The following ABTB2 variants were observed in gnomAD, a reference collection of about 807,000 sequenced individuals.
ABTB2 encodes ankyrin repeat and BTB domain containing 2, also known as ankyrin repeat and BTB/POZ domain-containing protein 2.
Under a neutral mutation model 104.1 loss-of-function variants are expected in ABTB2, and 56 were observed. The ratio of observed to expected loss-of-function variants is 0.54; its 90% confidence interval spans 0.43 to 0.67. The LOEUF is 0.67. Ranked by LOEUF, ABTB2 falls within the 30% of genes least tolerant of loss-of-function variation. The pLI is 0.00. For synonymous variants in ABTB2, 606 were observed against 608.2 expected (o/e 1.00, Z 0.05); for missense variants, 1,279 against 1,407.7 (o/e 0.91, Z 1.46).
intron 3 of ABTB2, among the ~76,000 whole-genome samples, chr11:34,186,775 C>T (rs1464959959): frequency 6.6e-6 from 1 of 152,236 alleles, no homozygotes; most frequent in Non-Finnish European, 1.5e-5. Context: ...CGCTCCTTCT[C>T]GGATGCTGGG....
intron 12 of ABTB2, 62 bp downstream of exon 12, chr11:34,160,186 A>C: frequency 6.9e-7 from 1 of 1,443,570 alleles, no homozygotes; most frequent in Non-Finnish European, 9.7e-7. Context: ...GTGGGGAGGA[A>C]GCAGGAAAGG....
intron 3 of ABTB2, among the ~76,000 whole-genome samples, chr11:34,191,017 A>G (rs2133031935): frequency 6.6e-6 from 1 of 152,350 alleles, no homozygotes; most frequent in South Asian, 2.1e-4. Context: ...GCCCAGGAAG[A>G]TGAGTTGACA....
At position 34,280,664 on chromosome 11, in the gene ABTB2, C is replaced by G. The variant is rs2755157; in HGVS notation, c.884-75974G>C. Among the ~76,000 whole-genome samples the G allele has an allele frequency of 6.8e-3, 1,033 of 152,286 alleles. 8 individuals are homozygous for G. The highest frequency in any genetic ancestry group is 0.023 in the African/African-American group (957 of 41,546). ...AATAACGGACAATCTCAACACCCACCATCTGGCCAGACACTAAATTGTGGG... is the reference window on the plus strand; with the variant it reads ...AATAACGGACAATCTCAACACCCACGATCTGGCCAGACACTAAATTGTGGG... On this transcript the variant is annotated intron_variant, in intron 1 of 16. Coordinates refer to ENST00000435224, the MANE Select transcript of ABTB2 (RefSeq NM_145804.3).
At chr11:34,206,697 T>G (rs1565140917) in intron 1 of ABTB2, among the ~76,000 whole-genome samples, 1 of 152,198 alleles carries the variant, frequency 6.6e-6, no homozygotes, top group Non-Finnish European at 1.5e-5. Context: ...GTGTTTTTCT[T>G]TGTTGAGGAA....
intron 1 of ABTB2, among the ~76,000 whole-genome samples, chr11:34,313,371 C>G (rs545248636): frequency 3.9e-5 from 6 of 152,344 alleles, no homozygotes; most frequent in Non-Finnish European, 7.3e-5. Flanking sequence ...GGTCTGACCA[C>G]ATTCTTTGAA....
At chr11:34,236,091 A>G (rs1853839609) in intron 1 of ABTB2, among the ~76,000 whole-genome samples, 1 of 152,160 alleles carries the variant, frequency 6.6e-6, no homozygotes, top group South Asian at 2.1e-4. Flanking sequence ...AAGGAAGAGA[A>G]GGGTAAAGGC....
chr11:34,221,660 G>A (rs527960587), intron 1 of ABTB2, among the ~76,000 whole-genome samples: 1 of 152,298 alleles, frequency 6.6e-6, no homozygotes, highest in East Asian at 1.9e-4. Flanking sequence ...GGGGCTCAAC[G>A]CTCCCCTCAC....
chr11:34,336,101 C>T (rs1041655946), intron 1 of ABTB2: 4 of 295,780 alleles, frequency 1.4e-5, no homozygotes, highest in Non-Finnish European at 2.5e-5. Flanking sequence ...GACGTTCCTG[C>T]CATCCAATAT....
chr11:34,357,197 G>T lies in ABTB2; in HGVS notation c.387C>A (p.Ala129=), dbSNP rs1352152798. 1.3e-6 allele frequency: 2 copies of T among 1,508,032 alleles called. No homozygotes were observed. Among genetic ancestry groups the T allele is most frequent in the African/African-American group, 2.8e-5 (2 of 70,380 alleles). The allele number at this position is 1,508,032 out of a possible 1,614,324, so 93.4% of individuals were successfully genotyped here. ...GGATCAGTGCCCTGCGGAGCAGCCC[G>T]GCCAGGCGCCTCACCGCCTCGGCGG... ...QFSAEAVRRL[A]GLLRRALIRV... The change falls in exon 1 of 17, where the codon GCC becomes GCA. Residue 129 remains alanine, a synonymous_variant. Coordinates refer to ENST00000435224, the MANE Select transcript of ABTB2 (RefSeq NM_145804.3).
rs375173455 is a variant in ABTB2 at position 34,349,159 on chromosome 11, A to G, written c.883+7542T>C. ...GTGTGTTTACATGACAGGCCAGCAA[A>G]ACACAAAACACCTGCTATGATCTGT... On this transcript the variant is annotated intron_variant, in intron 1 of 16. Coordinates refer to ENST00000435224, the MANE Select transcript of ABTB2 (RefSeq NM_145804.3). Among the ~76,000 whole-genome samples the G allele has an allele frequency of 5.9e-5, 9 of 152,318 alleles. No individual in the cohort carries two copies. The East Asian group carries it at 7.7e-4, about 13-fold the overall frequency.
At chr11:34,263,282 C>T (rs1250450793) in intron 1 of ABTB2, among the ~76,000 whole-genome samples, 2 of 152,168 alleles carry the variant, frequency 1.3e-5, no homozygotes, top group Non-Finnish European at 2.9e-5. Context: ...TCCCCCTTCA[C>T]ATTCCCTAAC....
chr11:34,213,719 C>T (rs1180424288), intron 1 of ABTB2, among the ~76,000 whole-genome samples: 3 of 152,156 alleles, frequency 2.0e-5, no homozygotes, highest in South Asian at 2.1e-4. Context: ...CATTTCTCCT[C>T]TTTGCAAAAG....
chr11:34,179,918 T>C (rs1429957377), intron 3 of ABTB2, among the ~76,000 whole-genome samples: 4 of 152,152 alleles, frequency 2.6e-5, no homozygotes, highest in African/African-American at 9.7e-5. Flanking sequence ...AGCAAAATGG[T>C]TATAAATAAT....
chr11:34,179,225 A>C (rs553666823), intron 3 of ABTB2, among the ~76,000 whole-genome samples: 2 of 152,376 alleles, frequency 1.3e-5, no homozygotes, highest in African/African-American at 4.8e-5. Context: ...ATTTGCCGTC[A>C]GAGTGATGAC....
At chr11:34,277,294 T>A (rs1382158044) in intron 1 of ABTB2, among the ~76,000 whole-genome samples, 1 of 152,104 alleles carries the variant, frequency 6.6e-6, no homozygotes, top group Non-Finnish European at 1.5e-5. Flanking sequence ...AATTTCAAAT[T>A]TTACCTTTGT....
At chr11:34,286,727 T>C (rs890577411) in intron 1 of ABTB2, among the ~76,000 whole-genome samples, 1 of 152,372 alleles carries the variant, frequency 6.6e-6, no homozygotes, top group Middle Eastern at 3.4e-3. Flanking sequence ...ATGCTGTTTC[T>C]GCTCTTCTCA....
chr11:34,270,455 T>G (rs1854301158), intron 1 of ABTB2, among the ~76,000 whole-genome samples: 3 of 152,074 alleles, frequency 2.0e-5, no homozygotes, highest in Non-Finnish European at 2.9e-5. Flanking sequence ...TTCTCCTGCT[T>G]CAGCCTCCCG....
At chr11:34,265,365 A>T (rs994934761) in intron 1 of ABTB2, among the ~76,000 whole-genome samples, 1 of 152,212 alleles carries the variant, frequency 6.6e-6, no homozygotes, top group Admixed American at 6.5e-5. Context: ...ATGCTCTTAA[A>T]ACCCATCAGA....
intron 1 of ABTB2, among the ~76,000 whole-genome samples, chr11:34,302,338 C>T (rs891165410): frequency 2.0e-5 from 3 of 152,244 alleles, no homozygotes; most frequent in Non-Finnish European, 2.9e-5. Context: ...GATATGTAGA[C>T]AGGATTTTAA....
Sources: allele counts gnomAD v4.1 joint callset (sites outside exome capture counted in the v4.1 genomes callset), GRCh38; gene constraint gnomAD v4.1.1; transcripts MANE v1.5; gene names NCBI Gene and HGNC (gene_info 2026-07-23, HGNC 2026-07-21).